Variants in CEP70 observed in about 807,000 individuals in gnomAD.
CEP70 encodes the protein centrosomal protein of 70 kDa.
In CEP70, 70 loss-of-function variants were observed where a neutral mutation model predicts 90.9. The observed-to-expected ratio is 0.77, with a 90% CI of 0.64 to 0.94. CEP70 has a LOEUF of 0.94. Ranked by LOEUF, CEP70 falls within the 40% of genes least tolerant of loss-of-function variation. CEP70 has a pLI of 0.00. For missense variants in CEP70, 648 were observed against 669.0 expected (o/e 0.97, Z 0.35); for synonymous variants, 220 against 228.3 (o/e 0.96, Z 0.33).
At chr3:138,564,976 G>T (rs1576856737) in intron 6 of CEP70, among the ~76,000 whole-genome samples, 1 of 152,158 alleles carries the variant, frequency 6.6e-6, no homozygotes. Flanking sequence ...ATCTCCTTAA[G>T]CTGATAAGCA....
chr3:138,542,529 T>C (rs2038855391), intron 6 of CEP70, among the ~76,000 whole-genome samples: 1 of 152,220 alleles, frequency 6.6e-6, no homozygotes, highest in South Asian at 2.1e-4. Flanking sequence ...CACCCTGCTC[T>C]GGCCAGTGGC....
chr3:138,565,376 C>A (rs1202396085), intron 6 of CEP70, among the ~76,000 whole-genome samples: 1 of 152,070 alleles, frequency 6.6e-6, no homozygotes, highest in African/African-American at 2.4e-5. Flanking sequence ...CAAAAAAGAG[C>A]CTGCATAGCC....
Position 138,543,696 on chromosome 3 carries a change from T to C in CEP70, c.466-6349A>G, listed in dbSNP as rs141220670. Among the ~76,000 whole-genome samples, 858 of 152,292 alleles carry C rather than the reference T, an allele frequency of 5.6e-3. 7 individuals are homozygous for C. Among genetic ancestry groups the C allele is most frequent in the African/African-American group, 0.02 (826 of 41,562 alleles). On this transcript the variant is annotated intron_variant, in intron 6 of 17. Transcript: ENST00000264982. Reference sequence around the variant, plus strand: ...CCTTACAGCAGCTGCTTCAGATTTGTTGCCACCTCTATCAGGAGGATAGCT... The same window carrying C: ...CCTTACAGCAGCTGCTTCAGATTTGCTGCCACCTCTATCAGGAGGATAGCT...
chr3:138,571,566 T>C (rs1168963353), intron 3 of CEP70, among the ~76,000 whole-genome samples: 2 of 152,204 alleles, frequency 1.3e-5, no homozygotes, highest in East Asian at 3.8e-4. Context: ...GCACAAATTG[T>C]TGCATTATAC....
chr3:138,530,775 C>T, intron 8 of CEP70: 2 of 985,324 alleles, frequency 2.0e-6, no homozygotes, highest in Non-Finnish European at 2.4e-6. Flanking sequence ...CCTCCTGTTA[C>T]AGTACTCCTA....
At chr3:138,530,964 G>A (rs185601598) in intron 8 of CEP70, 13 of 368,984 alleles carry the variant, frequency 3.5e-5, no homozygotes, top group African/African-American at 2.0e-4. Flanking sequence ...TCTTTTTATT[G>A]CTGCAAATTT....
chr3:138,532,510 G>T lies in CEP70; in HGVS notation c.692+4C>A. The T allele has an allele frequency of 6.7e-7, 1 of 1,499,074 alleles. No homozygotes were observed. The highest frequency in any genetic ancestry group is 8.9e-7 in the Non-Finnish European group (1 of 1,122,600). 92.9% of individuals were successfully genotyped at this position (1,499,074 alleles called of 1,614,324 possible). ...TAAAAACTGTAATACAGGATTACTC[G>T]TACCTTTGTGTATGAATTTTTCTAA... On this transcript the variant is annotated splice_donor_region_variant and intron_variant, in intron 8 of 17. Transcript: ENST00000264982.
chr3:138,513,503 G>C (rs1400192520), intron 11 of CEP70, among the ~76,000 whole-genome samples: 1 of 151,636 alleles, frequency 6.6e-6, no homozygotes, highest in African/African-American at 2.4e-5. Flanking sequence ...TTTTGTGCAG[G>C]GCTCCTAGGC....
chr3:138,590,099 G>GA (rs959195816), intron 2 of CEP70, among the ~76,000 whole-genome samples: 2 of 149,830 alleles, frequency 1.3e-5, no homozygotes, highest in Non-Finnish European at 3.0e-5. Flanking sequence ...AGAGAGAGAA[G>GA]AAAAAATGAG....
At chr3:138,534,799 T>G (rs759470652) in intron 7 of CEP70, among the ~76,000 whole-genome samples, 5 of 152,212 alleles carry the variant, frequency 3.3e-5, no homozygotes, top group African/African-American at 4.8e-5. Flanking sequence ...CATAAATGAA[T>G]TCATCGGTTT....
chr3:138,546,042 T>A (rs141181937), intron 6 of CEP70, among the ~76,000 whole-genome samples: 1 of 152,194 alleles, frequency 6.6e-6, no homozygotes, highest in African/African-American at 2.4e-5. Context: ...CATGTGATCT[T>A]CGTGACCTAC....
intron 1 of CEP70, chr3:138,593,587 G>A (rs2064954961): frequency 6.6e-6 from 1 of 152,166 alleles, no homozygotes; most frequent in Admixed American, 6.6e-5. Flanking sequence ...TGGTCTCTCT[G>A]TTACAGGTGA....
chr3:138,497,278 C>A, intron 17 of CEP70: 1 of 1,268,412 alleles, frequency 7.9e-7, no homozygotes, highest in Non-Finnish European at 1.0e-6. Context: ...GACTCATTCC[C>A]TTATTTTCAT....
At chr3:138,557,845 C>T (rs988575720) in intron 6 of CEP70, among the ~76,000 whole-genome samples, 1 of 151,960 alleles carries the variant, frequency 6.6e-6, no homozygotes, top group Non-Finnish European at 1.5e-5. Flanking sequence ...CAGATCAAGC[C>T]CACAAAGAAC....
chr3:138,575,272 C>G (rs2041434130), intron 2 of CEP70, among the ~76,000 whole-genome samples: 1 of 152,182 alleles, frequency 6.6e-6, no homozygotes, highest in South Asian at 2.1e-4. Flanking sequence ...CCGGATGGAG[C>G]TGAAAACCAT....
intron 17 of CEP70, chr3:138,497,542 C>T (rs2034056883): frequency 2.1e-6 from 2 of 966,658 alleles, no homozygotes; most frequent in Non-Finnish European, 2.5e-6. Context: ...TAATGAAGCC[C>T]TCAATCTGAC....
intron 12 of CEP70, among the ~76,000 whole-genome samples, chr3:138,507,160 G>A (rs973478230): frequency 6.6e-6 from 1 of 152,076 alleles, no homozygotes; most frequent in African/African-American, 2.4e-5. Context: ...AAGGTGCTTG[G>A]TTCCCATTTA....
In CEP70 at chr3:138,574,118, C is replaced by T. The variant is rs112592590; in HGVS notation, c.-5-1186G>A. On this transcript the variant is annotated intron_variant, in intron 2 of 17. Coordinates refer to ENST00000264982, the MANE Select transcript of CEP70 (RefSeq NM_024491.4). ...GACAGTGGGTGCAGCCCACAAAGGG[C>T]GAGCCGAAGCAGGGTGGGGCATTGC... Among the ~76,000 whole-genome samples, 705 of 152,142 alleles carry T rather than the reference C, an allele frequency of 4.6e-3. 5 individuals carry two copies. The highest frequency in any genetic ancestry group is 8.6e-3 in the Non-Finnish European group (584 of 67,982).
intron 11 of CEP70, among the ~76,000 whole-genome samples, chr3:138,524,879 A>G (rs1049037222): frequency 2.8e-4 from 42 of 152,254 alleles, no homozygotes; most frequent in African/African-American, 9.2e-4. Context: ...TTCTAGAACT[A>G]GAAATACCAT....
Sources: allele counts gnomAD v4.1 joint callset (sites outside exome capture counted in the v4.1 genomes callset), GRCh38; gene constraint gnomAD v4.1.1; transcripts MANE v1.5; gene names NCBI Gene and HGNC (gene_info 2026-07-23, HGNC 2026-07-21).